Variants in ATP10B observed in about 807,000 individuals in gnomAD.
ATP10B encodes phospholipid-transporting ATPase VB.
In ATP10B, 122 loss-of-function variants were observed where a neutral mutation model predicts 141.2. The observed-to-expected ratio is 0.86, with a 90% CI of 0.75 to 1.00. The LOEUF (loss-of-function observed/expected upper bound fraction) is 1.00, where lower values mean the gene tolerates loss of function less well. Ranked by LOEUF, ATP10B falls within the 50% of genes least tolerant of loss-of-function variation. The probability of loss-of-function intolerance (pLI) is 0.00; values close to 1 mark genes in which losing one functional copy is unlikely to be tolerated. For missense variants in ATP10B, 1,876 were observed against 1,825.3 expected (o/e 1.03, Z -0.51); for synonymous variants, 685 against 692.0 (o/e 0.99, Z 0.16).
Position 160,653,557 on chromosome 5 carries a change from CAT to C in ATP10B, c.676-4303_676-4302del, listed in dbSNP as rs1293640756. Reference sequence around the variant, plus strand: ...TTACATATACATACATACATATATACATATATATTACATATACATATATACAT... The same window carrying C: ...TTACATATACATACATACATATATACATATATTACATATACATATATACAT... On this transcript the variant is annotated intron_variant, in intron 7 of 25. Transcript: ENST00000327245. Among the ~76,000 whole-genome samples the C allele has an allele frequency of 4.6e-4, 59 of 128,156 alleles. 2 individuals carry two copies. Among genetic ancestry groups the C allele is most frequent in the African/African-American group, 1.7e-3 (57 of 34,120 alleles). 84.1% of individuals were successfully genotyped at this position (128,156 alleles called of 152,430 possible).
intron 1 of ATP10B, among the ~76,000 whole-genome samples, chr5:160,826,773 A>C (rs896428774): frequency 6.6e-6 from 1 of 152,100 alleles, no homozygotes; most frequent in African/African-American, 2.4e-5. Flanking sequence ...GAAGTCTATA[A>C]ACGGCCGCTC....
intron 1 of ATP10B, among the ~76,000 whole-genome samples, chr5:160,799,744 G>A (rs1198074446): frequency 6.6e-6 from 1 of 152,198 alleles, no homozygotes; most frequent in East Asian, 1.9e-4. Flanking sequence ...AAATAGGGTA[G>A]AAGCTAGAAG....
chr5:160,595,458 AC>A (rs1561637248), intron 22 of ATP10B, among the ~76,000 whole-genome samples: 1 of 152,136 alleles, frequency 6.6e-6, no homozygotes, highest in Non-Finnish European at 1.5e-5. Flanking sequence ...TAAAATTGAC[AC>A]CCTAACATCA....
chr5:160,866,875 A>G, the ATP10B span, among the ~76,000 whole-genome samples: 4 of 152,148 alleles, frequency 2.6e-5, no homozygotes, highest in African/African-American at 7.2e-5. Flanking sequence ...TACCCCCCAA[A>G]CTGTTAAAAT....
At position 160,592,409 on chromosome 5, in the gene ATP10B, T is replaced by C. The variant is rs192289535; in HGVS notation, c.3565-1270A>G. ...AGGGCAGTCCCATATTAATGTGTGA[T>C]ATAATTAAGAAATAATTGGGGCAGC... On this transcript the variant is annotated intron_variant, in intron 22 of 25. Coordinates refer to ENST00000327245, the MANE Select transcript of ATP10B (RefSeq NM_025153.3). 2.0e-5 allele frequency among the ~76,000 whole-genome samples: 3 copies of C among 152,292 alleles called. No homozygotes were observed. In the East Asian group the frequency reaches 5.8e-4, roughly 29 times the overall value.
At chr5:160,820,600 A>T (rs909507288) in intron 1 of ATP10B, among the ~76,000 whole-genome samples, 1 of 152,014 alleles carries the variant, frequency 6.6e-6, no homozygotes, top group Non-Finnish European at 1.5e-5. Context: ...GAAGAAAATT[A>T]CAGGCCAATA....
At chr5:160,723,083 G>GA (rs2127783826) in intron 2 of ATP10B, among the ~76,000 whole-genome samples, 1 of 152,302 alleles carries the variant, frequency 6.6e-6, no homozygotes, top group Admixed American at 6.5e-5. Flanking sequence ...TAATGGCAGT[G>GA]ACCACATTTT....
chr5:160,614,972 T>C (rs1757915942), intron 17 of ATP10B, among the ~76,000 whole-genome samples: 1 of 152,194 alleles, frequency 6.6e-6, no homozygotes, highest in Non-Finnish European at 1.5e-5. Context: ...TCCTGTTGAA[T>C]AAAGCTCCCC....
chr5:160,767,245 A>T (rs189609371), intron 2 of ATP10B, among the ~76,000 whole-genome samples: 7 of 152,200 alleles, frequency 4.6e-5, no homozygotes, highest in Admixed American at 4.6e-4. Flanking sequence ...CTCTTCTTTG[A>T]ATTTGTATTT....
intron 15 of ATP10B, among the ~76,000 whole-genome samples, chr5:160,618,738 G>T (rs1353649025): frequency 6.6e-6 from 1 of 152,100 alleles, no homozygotes; most frequent in Non-Finnish European, 1.5e-5. Flanking sequence ...GCCAAGGTTG[G>T]CTGGTGTGGG....
chr5:160,652,796 AATATATT>A lies in ATP10B; in HGVS notation c.676-3547_676-3541del, dbSNP rs1464699236. On this transcript the variant is annotated intron_variant, in intron 7 of 25. Coordinates refer to ENST00000327245, the MANE Select transcript of ATP10B (RefSeq NM_025153.3). ...AATATAAATATATATAAAAATATAT[AATATATT>A]ATATAATATATTATATATTAATTAT... Among the ~76,000 whole-genome samples, 676 of 106,850 alleles carry A rather than the reference AATATATT, an allele frequency of 6.3e-3. 40 individuals are homozygous for A. The highest frequency in any genetic ancestry group is 0.025 in the African/African-American group (644 of 25,502). 70.1% of individuals were successfully genotyped at this position (106,850 alleles called of 152,430 possible). A position where few individuals can be genotyped will look rare whatever the true frequency, so the allele number is the denominator to read the frequency against.
At chr5:160,653,595 A>G (rs1354866438) in intron 7 of ATP10B, among the ~76,000 whole-genome samples, 1 of 117,740 alleles carries the variant, frequency 8.5e-6, no homozygotes, top group Non-Finnish European at 1.6e-5. Context: ...ATATACATAT[A>G]TACATATATA....
At chr5:160,881,797 C>T in the ATP10B span, among the ~76,000 whole-genome samples, 16 of 151,292 alleles carry the variant, frequency 1.1e-4, no homozygotes, top group African/African-American at 2.7e-4. Context: ...GGTGACAGAG[C>T]AAGACTCCAT....
intron 1 of ATP10B, among the ~76,000 whole-genome samples, chr5:160,841,338 T>TA (rs1446251256): frequency 6.6e-6 from 1 of 152,050 alleles, no homozygotes. Flanking sequence ...TTACCTTGTA[T>TA]AAAAGAAAGA....
At chr5:160,780,128 T>C (rs1770616045) in intron 2 of ATP10B, among the ~76,000 whole-genome samples, 1 of 152,210 alleles carries the variant, frequency 6.6e-6, no homozygotes, top group African/African-American at 2.4e-5. Context: ...AATCTTTGAA[T>C]GTATACAAAA....
rs971944601 is a variant in ATP10B at position 160,602,600 on chromosome 5, C to G, written c.3340G>C (p.Val1114Leu). Residue 1114 changes from valine to leucine, a missense_variant, in exon 21 of 26, where the codon GTG (valine) becomes CTG (leucine). Transcript: ENST00000327245. ...ACCACGTTCTTGTAGAGGTAGTACA[C>G]CACCATCCTGGCCAGGCGCGAGTAA... ...WCYSRLARMV[V>L]YYLYKNVCYV... 4 of 1,613,974 alleles carry G rather than the reference C, an allele frequency of 2.5e-6. No individual in the cohort carries two copies. Among genetic ancestry groups the G allele is most frequent in the Non-Finnish European group, 2.5e-6 (3 of 1,179,896 alleles).
chr5:160,672,270 C>T (rs1263117395), intron 6 of ATP10B, among the ~76,000 whole-genome samples: 1 of 152,134 alleles, frequency 6.6e-6, no homozygotes, highest in Non-Finnish European at 1.5e-5. Flanking sequence ...AGCTACTGCT[C>T]CTGGCTGCAT....
chr5:160,821,176 C>G (rs888007089), intron 1 of ATP10B, among the ~76,000 whole-genome samples: 2 of 151,988 alleles, frequency 1.3e-5, no homozygotes, highest in Non-Finnish European at 2.9e-5. Flanking sequence ...ATGCAGGATA[C>G]AAAATCAACA....
chr5:160,849,464 G>A (rs1753660632), intron 1 of ATP10B, among the ~76,000 whole-genome samples: 1 of 152,090 alleles, frequency 6.6e-6, no homozygotes, highest in African/African-American at 2.4e-5. Context: ...AGCAGAAAAT[G>A]AGATTCTCCT....
Sources: allele counts gnomAD v4.1 joint callset (sites outside exome capture counted in the v4.1 genomes callset), GRCh38; gene constraint gnomAD v4.1.1; transcripts MANE v1.5; gene names NCBI Gene and HGNC (gene_info 2026-07-23, HGNC 2026-07-21).